BAZ2B: variants seen among roughly 807,000 people sequenced by gnomAD.
BAZ2B encodes the protein bromodomain adjacent to zinc finger domain protein 2B.
In BAZ2B, 91 loss-of-function variants were observed where a neutral mutation model predicts 246.0. That is an observed-to-expected ratio of 0.37 (90% CI 0.31 to 0.44). The LOEUF is 0.44. BAZ2B is among the 20% of genes least tolerant of loss of function. The probability of loss-of-function intolerance (pLI) is 1.00; values close to 1 mark genes in which losing one functional copy is unlikely to be tolerated. For synonymous variants in BAZ2B, 855 were observed against 860.0 expected, an observed-to-expected ratio of 0.99 and a Z score of 0.10; for missense variants, 2,332 against 2,533.7, an observed-to-expected ratio of 0.92 and a Z score of 1.71.
chr2:159,395,612 T>C, intron 20 of BAZ2B, 157 bp downstream of exon 20: 1 of 545,624 alleles, frequency 1.8e-6, no homozygotes, highest in Non-Finnish European at 3.2e-6. Context: ...TTTTATGTTC[T>C]AACACTCAGT....
rs551359979 is a variant in BAZ2B at position 159,383,674 on chromosome 2, G to A, written c.3693C>T (p.Ile1231=). ...LACSKSVVSE[I]DKNIDYMSNL... ...TTGACATATAATCAATGTTCTTGTC[G>A]ATTTCACTGCCAATGCAAGAATTTA... The change falls in exon 24 of 37, where the codon ATC becomes ATT. Residue 1231 remains isoleucine (I), a synonymous_variant. Transcript: ENST00000392783. 3.7e-6 allele frequency: 6 copies of A among 1,609,336 alleles called. No individual in the cohort carries two copies. Among genetic ancestry groups the A allele is most frequent in the Admixed American group, 1.7e-5 (1 of 59,398 alleles).
At chr2:159,368,887 T>C (rs1380258704) in intron 27 of BAZ2B, among the ~76,000 whole-genome samples, 1 of 145,688 alleles carries the variant, frequency 6.9e-6, no homozygotes, top group Non-Finnish European at 1.5e-5. Flanking sequence ...AAAAAAACTG[T>C]CTCCTATAAG....
chr2:159,601,233 C>G (rs1191671141), intron 1 of BAZ2B, among the ~76,000 whole-genome samples: 1 of 151,780 alleles, frequency 6.6e-6, no homozygotes, highest in Non-Finnish European at 1.5e-5. Context: ...AACAAGGAAC[C>G]AAAAAAACCC....
chr2:159,398,961 C>T, intron 17 of BAZ2B, 67 bp from the exon 18 acceptor site: 1 of 1,456,388 alleles, frequency 6.9e-7, no homozygotes, highest in Non-Finnish European at 9.5e-7. Context: ...TAATGTCAGA[C>T]TTGAAATGAA....
At chr2:159,489,085 C>T (rs183214662) in intron 2 of BAZ2B, among the ~76,000 whole-genome samples, 11 of 152,244 alleles carry the variant, frequency 7.2e-5, no homozygotes, top group African/African-American at 2.2e-4. Context: ...CGCTTTTCCC[C>T]TAATAATGAA....
the BAZ2B span, among the ~76,000 whole-genome samples, chr2:159,665,686 T>C: frequency 6.8e-6 from 1 of 147,992 alleles, no homozygotes; most frequent in Non-Finnish European, 1.5e-5. Flanking sequence ...CCTTACACCT[T>C]ATACAAAAAT....
chr2:159,363,890 G>A (rs2059963761), intron 27 of BAZ2B, among the ~76,000 whole-genome samples: 1 of 152,110 alleles, frequency 6.6e-6, no homozygotes, highest in South Asian at 2.1e-4. Flanking sequence ...GAGGACGAGG[G>A]CTATTGAGCT....
chr2:159,587,909 G>T (rs1353072003), intron 1 of BAZ2B, among the ~76,000 whole-genome samples: 1 of 113,212 alleles, frequency 8.8e-6, no homozygotes, highest in Non-Finnish European at 1.9e-5. Flanking sequence ...ACAAAAAAAG[G>T]CCAGGAGCAG....
chr2:159,708,188 G>T, the BAZ2B span, among the ~76,000 whole-genome samples: 1 of 152,008 alleles, frequency 6.6e-6, no homozygotes, highest in African/African-American at 2.4e-5. Flanking sequence ...CAGCCACACA[G>T]GAGGCTGAGG....
chr2:159,381,388 C>G (rs2061982375), intron 25 of BAZ2B, among the ~76,000 whole-genome samples: 1 of 152,198 alleles, frequency 6.6e-6, no homozygotes, highest in Non-Finnish European at 1.5e-5. Flanking sequence ...TTACTCTGTT[C>G]CTGATTTCCC....
chr2:159,657,509 G>A, the BAZ2B span, among the ~76,000 whole-genome samples: 1 of 152,142 alleles, frequency 6.6e-6, no homozygotes, highest in Non-Finnish European at 1.5e-5. Context: ...AATTGGCAAT[G>A]ACTTTGATTG....
chr2:159,412,343 T>G lies in BAZ2B; in HGVS notation c.2669A>C (p.Gln890Pro), dbSNP rs1243011656. The G allele has an allele frequency of 6.2e-7, 1 of 1,614,100 alleles. No individual in the cohort carries two copies. The highest frequency in any genetic ancestry group is 1.1e-5 in the South Asian group (1 of 91,084). Residue 890 changes from glutamine (Q) to proline (P), a missense_variant, in exon 14 of 37, where the codon CAA becomes CCA. Coordinates refer to ENST00000392783, the MANE Select transcript of BAZ2B (RefSeq NM_013450.4). ...NADAKLLRKL[Q>P]AQEIARQAAQ... is the part of the protein sequence containing the mutation. ...CACATTATGTTTCTTACCTTGAGCT[T>G]GCAGTTTTCTTAGCAACTTTGCATC...
intron 1 of BAZ2B, among the ~76,000 whole-genome samples, chr2:159,594,882 C>T (rs1322923155): frequency 6.6e-6 from 1 of 152,130 alleles, no homozygotes; most frequent in African/African-American, 2.4e-5. Flanking sequence ...GTTTGCCTGC[C>T]TTAGCCTCCC....
the BAZ2B span, among the ~76,000 whole-genome samples, chr2:159,691,476 G>A: frequency 6.6e-6 from 1 of 152,148 alleles, no homozygotes; most frequent in Admixed American, 6.5e-5. Flanking sequence ...AATCATGAGA[G>A]AAAATACATT....
chr2:159,667,620 A>G, the BAZ2B span, among the ~76,000 whole-genome samples: 4 of 150,836 alleles, frequency 2.7e-5, no homozygotes, highest in African/African-American at 9.7e-5. Context: ...AAATAAATAA[A>G]TAAATAAATA....
At chr2:159,326,674 A>G (rs916886804) in intron 34 of BAZ2B, among the ~76,000 whole-genome samples, 2 of 152,156 alleles carry the variant, frequency 1.3e-5, no homozygotes, top group Non-Finnish European at 2.9e-5. Flanking sequence ...CACTTAAAAA[A>G]TAAGGATGAC....
At chr2:159,629,545 A>G in the BAZ2B span, among the ~76,000 whole-genome samples, 1 of 152,130 alleles carries the variant, frequency 6.6e-6, no homozygotes, top group Non-Finnish European at 1.5e-5. Flanking sequence ...GAAGCTGGAA[A>G]CCATCATTCT....
At position 159,507,964 on chromosome 2, in the gene BAZ2B, C is replaced by G. The variant is rs192653760; in HGVS notation, c.-2-29243G>C. Among the ~76,000 whole-genome samples the G allele has an allele frequency of 3.5e-4, 54 of 152,204 alleles. No homozygotes were observed. In the Middle Eastern group the frequency reaches 0.02, roughly 58 times the overall value. On this transcript the variant is annotated intron_variant, in intron 2 of 36. Coordinates refer to ENST00000392783, the MANE Select transcript of BAZ2B (RefSeq NM_013450.4). ...TCAGCTTGCCACAACCTCCACCTCC[C>G]GGTTCAAGTGATTCTTGTGCCTCAG...
At chr2:159,537,730 T>C (rs1015172830) in intron 2 of BAZ2B, among the ~76,000 whole-genome samples, 1 of 152,230 alleles carries the variant, frequency 6.6e-6, no homozygotes. Context: ...CAGTTACTAT[T>C]TATCTATTGC....
Sources: gnomAD v4.1 joint callset for allele counts (sites outside exome capture counted in the v4.1 genomes callset) on GRCh38, gnomAD v4.1.1 for gene constraint, MANE v1.5 for transcripts, NCBI Gene and HGNC (gene_info 2026-07-23, HGNC 2026-07-21) for gene names.